The following KCNJ16 variants were observed in gnomAD, a reference collection of about 807,000 sequenced individuals.
The protein encoded by KCNJ16 is potassium inwardly rectifying channel subfamily J member 16, also known as inward rectifier potassium channel 16.
KCNJ16 carries 15 observed loss-of-function variants against 18.5 expected under a neutral mutation model. The observed-to-expected ratio is 0.81, with a 90% CI of 0.54 to 1.25. The LOEUF is 1.25. KCNJ16 is among the 50% of genes most tolerant of loss of function. The probability of loss-of-function intolerance (pLI) is 0.00; values close to 1 mark genes in which losing one functional copy is unlikely to be tolerated. For missense variants in KCNJ16, 523 were observed against 525.7 expected (o/e 0.99, Z 0.05); for synonymous variants, 174 against 186.5 (o/e 0.93, Z 0.55).
At chr17:70,117,371 A>G (rs1421097248) in intron 2 of KCNJ16, among the ~76,000 whole-genome samples, 1 of 150,776 alleles carries the variant, frequency 6.6e-6, no homozygotes, top group African/African-American at 2.5e-5. Flanking sequence ...TCAGCATCAC[A>G]CAATATACCT....
chr17:70,080,011 T>A (rs2071485226), intron 1 of KCNJ16, among the ~76,000 whole-genome samples: 1 of 152,214 alleles, frequency 6.6e-6, no homozygotes. Context: ...CAGTACAGCA[T>A]TGTTAATGCT....
At chr17:70,126,024 G>T (rs2073843407) in intron 2 of KCNJ16, among the ~76,000 whole-genome samples, 1 of 152,158 alleles carries the variant, frequency 6.6e-6, no homozygotes, top group South Asian at 2.1e-4. Context: ...GCAAGAGGAG[G>T]AACATGCCCA....
rs1043410024 is a variant in KCNJ16 at position 70,132,154 on chromosome 17, G to C, written c.67G>C (p.Glu23Gln). The C allele has an allele frequency of 6.2e-6, 10 of 1,614,202 alleles. No homozygotes were observed. The highest frequency in any genetic ancestry group is 8.5e-6 in the Non-Finnish European group (10 of 1,180,032). The stretch of plus-strand genomic sequence containing the variant: ...CGCAAAATACCCAGGCTACCCGCCA[G>C]AGCACATTATAGCTGAGAAGAGAAG... ...ADAKYPGYPP[E>Q]HIIAEKRRAR... is the part of the protein sequence containing the mutation. The change falls in exon 4 of 4, where the codon GAG (glutamate) becomes CAG (glutamine). Residue 23 changes from glutamate (E) to glutamine (Q), a missense_variant. By Grantham distance (29) the Glu-to-Gln change is conservative. Transcript: ENST00000392671.
chr17:70,094,504 A>G (rs1167462899), intron 1 of KCNJ16, among the ~76,000 whole-genome samples: 1 of 152,242 alleles, frequency 6.6e-6, no homozygotes, highest in Non-Finnish European at 1.5e-5. Context: ...CTAACAATTA[A>G]TAAAAGTATG....
intron 1 of KCNJ16, among the ~76,000 whole-genome samples, chr17:70,094,717 G>A (rs376213734): frequency 3.3e-5 from 5 of 152,088 alleles, no homozygotes; most frequent in East Asian, 3.9e-4. Flanking sequence ...ACTGTCCCCC[G>A]CAGGTTTGAA....
chr17:70,090,630 G>C (rs1398627749), intron 1 of KCNJ16, among the ~76,000 whole-genome samples: 3 of 151,860 alleles, frequency 2.0e-5, no homozygotes, highest in Non-Finnish European at 4.4e-5. Flanking sequence ...GGGTTAGCAG[G>C]GATATATGAA....
chr17:70,122,321 C>T (rs144021969), intron 2 of KCNJ16, among the ~76,000 whole-genome samples: 4,330 of 150,186 alleles, frequency 0.029, 153 homozygotes, highest in East Asian at 0.12. Flanking sequence ...TACAGGCACC[C>T]GCCACCACGC....
chr17:70,130,523 T>C (rs1316293574), intron 2 of KCNJ16, among the ~76,000 whole-genome samples: 2 of 152,114 alleles, frequency 1.3e-5, no homozygotes, highest in South Asian at 2.1e-4. Flanking sequence ...TCCTTGTAAG[T>C]GGTGCATTAA....
At position 70,133,253 on chromosome 17, in the gene KCNJ16, C is replaced by T; in HGVS notation, c.1166C>T (p.Thr389Ile). 1 of 1,614,124 alleles carries T rather than the reference C, an allele frequency of 6.2e-7. No individual in the cohort carries two copies. Among genetic ancestry groups the T allele is most frequent in the South Asian group, 1.1e-5 (1 of 91,082 alleles). ...IVSSCENPEE[T>I]TTSATHEYRE... ...AGCAGCTGTGAAAACCCTGAGGAGA[C>T]CACCACTTCCGCCACACATGAATAT... Residue 389 changes from threonine to isoleucine, a missense_variant, in exon 4 of 4, where the codon ACC becomes ATC. By Grantham distance (89) the Thr-to-Ile change is moderately conservative (BLOSUM62 -1). Coordinates refer to ENST00000392671, the MANE Select transcript of KCNJ16 (RefSeq NM_170741.4).
chr17:70,115,026 C>G (rs8073266), intron 2 of KCNJ16, among the ~76,000 whole-genome samples: 13,062 of 152,076 alleles, frequency 0.086, 1,879 homozygotes, highest in African/African-American at 0.3. Flanking sequence ...GGCTCAAAGA[C>G]GTCGATTAGT....
intron 2 of KCNJ16, among the ~76,000 whole-genome samples, chr17:70,118,227 G>A (rs776615754): frequency 5.3e-5 from 8 of 152,066 alleles, no homozygotes; most frequent in Non-Finnish European, 7.4e-5. Flanking sequence ...CAGGGACACA[G>A]AGAGGGGAAC....
At chr17:70,120,569 A>C (rs532873254) in intron 2 of KCNJ16, among the ~76,000 whole-genome samples, 1 of 152,328 alleles carries the variant, frequency 6.6e-6, no homozygotes, top group South Asian at 2.1e-4. Flanking sequence ...GAAAGTTTAC[A>C]ATCATGGAGA....
rs776702298 is a variant in KCNJ16 at position 70,133,181 on chromosome 17, C to T, written c.1094C>T (p.Ser365Leu). Reference sequence around the variant, plus strand: ...CCACCAGTTCGAGAATCCTGCACGTCGGACACCAAGGCGAGACGAAGGTCA... The same window carrying T: ...CCACCAGTTCGAGAATCCTGCACGTTGGACACCAAGGCGAGACGAAGGTCA... ...KAPPVRESCT[S>L]DTKARRRSFS... The change falls in exon 4 of 4, where the codon TCG becomes TTG. Residue 365 changes from serine to leucine, a missense_variant. Physicochemically the swap from Ser to Leu is moderately radical, Grantham distance 145 (BLOSUM62 -2). Coordinates refer to ENST00000392671, the MANE Select transcript of KCNJ16 (RefSeq NM_170741.4). The T allele has an allele frequency of 4.2e-5, 68 of 1,614,048 alleles. No homozygotes were observed. The highest frequency in any genetic ancestry group is 4.9e-5 in the Non-Finnish European group (58 of 1,180,052).
At chr17:70,094,418 T>C (rs1368849101) in intron 1 of KCNJ16, among the ~76,000 whole-genome samples, 1 of 152,192 alleles carries the variant, frequency 6.6e-6, no homozygotes, top group Non-Finnish European at 1.5e-5. Context: ...AGAGAAAACA[T>C]CTACATGAAG....
chr17:70,116,952 G>C (rs1427041011), intron 2 of KCNJ16, among the ~76,000 whole-genome samples: 1 of 152,014 alleles, frequency 6.6e-6, no homozygotes, highest in Non-Finnish European at 1.5e-5. Flanking sequence ...CCTGTTACTG[G>C]GTATATATTC....
At chr17:70,125,478 A>G (rs1316506780) in intron 2 of KCNJ16, among the ~76,000 whole-genome samples, 1 of 152,160 alleles carries the variant, frequency 6.6e-6, no homozygotes, top group Non-Finnish European at 1.5e-5. Flanking sequence ...AGAGAGTGAA[A>G]GCAAGTGTTC....
chr17:70,079,122 G>A (rs1479739253), intron 1 of KCNJ16, among the ~76,000 whole-genome samples: 4 of 152,164 alleles, frequency 2.6e-5, no homozygotes, highest in African/African-American at 4.8e-5. Context: ...TGGCTCAAGC[G>A]ATTATGGTGG....
chr17:70,131,703 A>AT lies in KCNJ16; in HGVS notation c.-93-283dup, dbSNP rs202160188. On this transcript the variant is annotated intron_variant, in intron 3 of 3. Transcript: ENST00000392671. ...AGAATAGTTTACAAAAATAAAGCAG[A>AT]TTTTTTTTTATATCAGGTCAGAAAA... Among the ~76,000 whole-genome samples, 265 of 151,886 alleles carry AT rather than the reference A, an allele frequency of 1.7e-3. 3 individuals carry two copies. Among genetic ancestry groups the AT allele is most frequent in the African/African-American group, 4.9e-3 (204 of 41,440 alleles).
At position 70,135,007 on chromosome 17, in the gene KCNJ16, CTTTT is replaced by C. The variant is rs34903097; in HGVS notation, c.*1676_*1679del. The C allele has an allele frequency of 1.2e-4, 16 of 136,994 alleles. No homozygotes were observed. The highest frequency in any genetic ancestry group is 4.8e-5 in the Non-Finnish European group (3 of 63,084). 8.5% of individuals were successfully genotyped at this position (136,994 alleles called of 1,614,324 possible). ...ATCCTTCCCTTTCTCCTTCTTTTCCCTTTTTTTTTTTTTTTTGACCTGGGAGTAA... is the reference window on the plus strand; with the variant it reads ...ATCCTTCCCTTTCTCCTTCTTTTCCCTTTTTTTTTTTTGACCTGGGAGTAA... On this transcript the variant is annotated 3_prime_UTR_variant, in exon 4 of 4. Transcript: ENST00000392671.
Sources: allele counts gnomAD v4.1 joint callset (sites outside exome capture counted in the v4.1 genomes callset), GRCh38; gene constraint gnomAD v4.1.1; transcripts MANE v1.5; gene names NCBI Gene and HGNC (gene_info 2026-07-23, HGNC 2026-07-21).